Variants in FNIP2 observed in about 807,000 individuals in gnomAD.
FNIP2 encodes the protein folliculin interacting protein 2.
Under a neutral mutation model 108.7 loss-of-function variants are expected in FNIP2, and 32 were observed. The ratio of observed to expected loss-of-function variants is 0.29; its 90% CI spans 0.22 to 0.40. FNIP2 has a LOEUF of 0.40. FNIP2 is among the 10% of genes least tolerant of loss of function. The probability of loss-of-function intolerance (pLI) is 1.00; values close to 1 mark genes in which losing one functional copy is unlikely to be tolerated. For synonymous variants in FNIP2, 480 were observed against 496.7 expected (o/e 0.97, Z 0.45); for missense variants, 1,202 against 1,381.6 (o/e 0.87, Z 2.06).
At position 158,869,221 on chromosome 4, in the gene FNIP2, C is replaced by G; in HGVS notation, c.2585C>G (p.Pro862Arg). Reference sequence around the variant, plus strand: ...GCCCCCAGGTGTGTCCAGCGGGGCCCTGGCCTCGTGGCTGGTGCGAATATC... The same window carrying G: ...GCCCCCAGGTGTGTCCAGCGGGGCCGTGGCCTCGTGGCTGGTGCGAATATC... ...PVAPRCVQRGPGLVAGANIPC... is the reference protein window; with the variant it reads ...PVAPRCVQRGRGLVAGANIPC... The change falls in exon 13 of 17, where the codon CCT (proline) becomes CGT (arginine). Residue 862 changes from proline to arginine, a missense_variant. By Grantham distance (103) the Pro-to-Arg change is moderately radical (BLOSUM62 -2). This residue lies in a region of FNIP2 where 878 missense variants were observed against 990.3 expected (regional missense o/e 0.89). Coordinates refer to ENST00000264433, the MANE Select transcript of FNIP2 (RefSeq NM_020840.3). 6.2e-7 allele frequency: 1 copy of G among 1,614,072 alleles called. No homozygotes were observed. The highest frequency in any genetic ancestry group is 2.2e-5 in the East Asian group (1 of 44,888).
chr4:158,769,558 C>A (rs1430592694), intron 1 of FNIP2, among the ~76,000 whole-genome samples: 1 of 152,188 alleles, frequency 6.6e-6, no homozygotes, highest in African/African-American at 2.4e-5. Flanking sequence ...TTTCAGAGTT[C>A]TCTTGTGTTC....
chr4:158,884,435 A>G (rs1393424220), intron 14 of FNIP2, among the ~76,000 whole-genome samples: 1 of 152,236 alleles, frequency 6.6e-6, no homozygotes, highest in Non-Finnish European at 1.5e-5. Context: ...TGAAGTGCCA[A>G]AATGAATGGT....
intron 14 of FNIP2, among the ~76,000 whole-genome samples, chr4:158,885,115 C>T (rs991312755): frequency 2.0e-5 from 3 of 152,038 alleles, no homozygotes; most frequent in African/African-American, 7.3e-5. Flanking sequence ...GAGATTGTGC[C>T]ACTGCACTCC....
Position 158,904,523 on chromosome 4 carries a change from T to C in FNIP2, c.3324T>C (p.Tyr1108=), listed in dbSNP as rs773004446. ...CTATTGCCAGTACTCATTCTCCTTATGTGGCTCAAATACTCTTATAAGCTA... is the reference window on the plus strand; with the variant it reads ...CTATTGCCAGTACTCATTCTCCTTACGTGGCTCAAATACTCTTATAAGCTA... The part of the protein sequence containing the change: ...LTAIASTHSP[Y]VAQILL The change falls in exon 17 of 17, where the codon TAT becomes TAC. Residue 1108 remains tyrosine, a synonymous_variant. Transcript: ENST00000264433. 1 of 1,613,128 alleles carries C rather than the reference T, an allele frequency of 6.2e-7. No individual in the cohort carries two copies. The highest frequency in any genetic ancestry group is 1.3e-5 in the African/African-American group (1 of 74,936).
At chr4:158,815,913 C>T (rs1438094570) in intron 1 of FNIP2, among the ~76,000 whole-genome samples, 1 of 152,106 alleles carries the variant, frequency 6.6e-6, no homozygotes, top group African/African-American at 2.4e-5. Context: ...CAGTATAGCA[C>T]TCCCTTGTAT....
chr4:158,779,015 A>G (rs1344570519), intron 1 of FNIP2, among the ~76,000 whole-genome samples: 1 of 152,194 alleles, frequency 6.6e-6, no homozygotes, highest in Non-Finnish European at 1.5e-5. Flanking sequence ...GATGATTTAA[A>G]GTACCCTGAA....
At chr4:158,811,663 C>G (rs921040719) in intron 1 of FNIP2, among the ~76,000 whole-genome samples, 2 of 152,074 alleles carry the variant, frequency 1.3e-5, no homozygotes, top group African/African-American at 4.8e-5. Context: ...GTTGATTACA[C>G]ACACACACAC....
In FNIP2 at chr4:158,850,379, C is replaced by T. The variant is rs528395819; in HGVS notation, c.728-942C>T. On this transcript the variant is annotated intron_variant, in intron 7 of 16. Transcript: ENST00000264433. ...TCTGTTTTCTTCCATTCTTTCAAAC[C>T]AGTAGATGTTCATCAAGCAGCTTGA... 1.0e-3 allele frequency among the ~76,000 whole-genome samples: 153 copies of T among 151,826 alleles called. 2 individuals are homozygous for T. Among genetic ancestry groups the T allele is most frequent in the Admixed American group, 9.9e-3 (151 of 15,236 alleles).
intron 1 of FNIP2, among the ~76,000 whole-genome samples, chr4:158,769,914 T>C (rs552049513): frequency 6.6e-6 from 1 of 152,238 alleles, no homozygotes; most frequent in East Asian, 1.9e-4. Context: ...TTCCGAGATT[T>C]CAATTGATCA....
At position 158,848,791 on chromosome 4, in the gene FNIP2, A is replaced by G. The variant is rs569957077; in HGVS notation, c.728-2530A>G. 9.1e-4 allele frequency among the ~76,000 whole-genome samples: 139 copies of G among 152,346 alleles called. 3 individuals are homozygous for G. Among genetic ancestry groups the G allele is most frequent in the South Asian group, 7.0e-3 (34 of 4,832 alleles). Reference sequence around the variant, plus strand: ...GAAGAAATGGAAATAATTAAAAAGAATCAAGCAGAAATTCTGGAGTTGAAA... The same window carrying G: ...GAAGAAATGGAAATAATTAAAAAGAGTCAAGCAGAAATTCTGGAGTTGAAA... On this transcript the variant is annotated intron_variant, in intron 7 of 16. Coordinates refer to ENST00000264433, the MANE Select transcript of FNIP2 (RefSeq NM_020840.3).
At chr4:158,899,667 G>A (rs1004571020) in intron 16 of FNIP2, among the ~76,000 whole-genome samples, 5 of 152,164 alleles carry the variant, frequency 3.3e-5, no homozygotes, top group African/African-American at 1.2e-4. Flanking sequence ...TCTGATGTTA[G>A]TTTGTATTTC....
At chr4:158,826,455 T>C (rs1300368708) in intron 2 of FNIP2, among the ~76,000 whole-genome samples, 1 of 152,244 alleles carries the variant, frequency 6.6e-6, no homozygotes, top group Non-Finnish European at 1.5e-5. Context: ...TGGATAATAA[T>C]AAGTAGCACT....
At chr4:158,834,591 C>T (rs1227102917) in intron 6 of FNIP2, 1 of 152,144 alleles carries the variant, frequency 6.6e-6, no homozygotes, top group Non-Finnish European at 1.5e-5. Context: ...CATTTAAATA[C>T]TCTCTTTAAA....
intron 1 of FNIP2, among the ~76,000 whole-genome samples, chr4:158,823,942 G>A (rs1778019998): frequency 6.6e-6 from 1 of 152,188 alleles, no homozygotes; most frequent in Non-Finnish European, 1.5e-5. Flanking sequence ...AGATTAGGAG[G>A]AAAGGATGCT....
At chr4:158,818,839 C>T (rs566028223) in intron 1 of FNIP2, among the ~76,000 whole-genome samples, 9 of 152,182 alleles carry the variant, frequency 5.9e-5, no homozygotes, top group Admixed American at 4.6e-4. Flanking sequence ...GAAAGCTCAG[C>T]GCTAGGGTTG....
chr4:158,861,737 G>A lies in FNIP2; in HGVS notation c.1426G>A (p.Ala476Thr). 6.2e-7 allele frequency: 1 copy of A among 1,613,964 alleles called. No homozygotes were observed. The highest frequency in any genetic ancestry group is 1.7e-5 in the Admixed American group (1 of 60,012). The part of the protein sequence containing the change: ...KRTSQSVNML[A>T]KTHPYNPLWA... ...TACCTCCCAGTCAGTGAACATGCTG[G>A]CCAAAACACATCCGTATAATCCTCT... The change falls in exon 12 of 17, where the codon GCC (alanine) becomes ACC (threonine). Residue 476 changes from alanine to threonine, a missense_variant. Around this residue, in one of 5 missense-constraint regions of FNIP2, gnomAD observed 878 missense variants for 990.3 expected, o/e 0.89. Coordinates refer to ENST00000264433, the MANE Select transcript of FNIP2 (RefSeq NM_020840.3).
intron 7 of FNIP2, among the ~76,000 whole-genome samples, chr4:158,839,372 A>T (rs1307732769): frequency 1.3e-5 from 2 of 151,794 alleles, no homozygotes; most frequent in East Asian, 1.9e-4. Flanking sequence ...TTATTTATTT[A>T]TTTTTTGGAG....
chr4:158,799,591 A>G (rs971603803), intron 1 of FNIP2, among the ~76,000 whole-genome samples: 1 of 152,236 alleles, frequency 6.6e-6, no homozygotes, highest in Non-Finnish European at 1.5e-5. Flanking sequence ...GCCCCAACCC[A>G]GTAGCTCAGC....
chr4:158,837,572 T>G (rs750569611), intron 7 of FNIP2, among the ~76,000 whole-genome samples: 4 of 152,216 alleles, frequency 2.6e-5, no homozygotes, highest in Non-Finnish European at 5.9e-5. Context: ...TCTAAATTGC[T>G]CCTGAAACTA....
Sources: gnomAD v4.1 joint callset for allele counts (sites outside exome capture counted in the v4.1 genomes callset) on GRCh38, gnomAD v4.1.1 for gene constraint, gnomAD v4.1.1 regional missense constraint, MANE v1.5 for transcripts, NCBI Gene and HGNC (gene_info 2026-07-23, HGNC 2026-07-21) for gene names.